The following DLX2 variants were observed in gnomAD, a reference collection of about 807,000 sequenced individuals.
The protein encoded by DLX2 is homeobox protein DLX-2.
A neutral mutation model predicts 27.4 loss-of-function variants in DLX2; 8 were observed. The observed-to-expected ratio is 0.29, with a 90% CI of 0.17 to 0.53. The LOEUF is 0.53. Among genes scored for constraint, DLX2 ranks in the 20% least tolerant of loss-of-function variants. The pLI is 0.96. For missense variants in DLX2, 421 were observed against 450.9 expected (o/e 0.93, Z 0.60); for synonymous variants, 210 against 200.8 (o/e 1.05, Z -0.39).
chr2:172,102,555 A>T lies in DLX2; in HGVS notation c.-17T>A. The T allele has an allele frequency of 6.6e-7, 1 of 1,516,036 alleles. No individual in the cohort carries two copies. The highest frequency in any genetic ancestry group is 8.8e-7 in the Non-Finnish European group (1 of 1,133,266). The allele number at this position is 1,516,036 out of a possible 1,614,324, so 93.9% of individuals were successfully genotyped here. On this transcript the variant is annotated 5_prime_UTR_variant, in exon 1 of 3. Transcript: ENST00000234198. ...TCCAGTCATCCTGGCCCGAGACGGG[A>T]AAGAGCAGAGGTGGCGGGCGTGCGG...
intron 2 of DLX2, 132 bp downstream of exon 2, chr2:172,101,330 C>A: frequency 4.6e-6 from 5 of 1,093,322 alleles, no homozygotes; most frequent in Non-Finnish European, 6.4e-6. Context: ...TACTTAGGGC[C>A]GCTCGAGGCG....
chr2:172,101,708 T>C, intron 1 of DLX2, 62 bp from the exon 2 acceptor site: 1 of 1,512,714 alleles, frequency 6.6e-7, no homozygotes, highest in Non-Finnish European at 9.0e-7. Flanking sequence ...CCCGCCCTCC[T>C]AGAGGGCCCG....
In DLX2 at chr2:172,102,199, C is replaced by T. The variant is rs1333337557; in HGVS notation, c.340G>A (p.Ala114Thr). The T allele has an allele frequency of 6.2e-7, 1 of 1,614,124 alleles. No homozygotes were observed. Among genetic ancestry groups the T allele is most frequent in the Non-Finnish European group, 8.5e-7 (1 of 1,179,992 alleles). Residue 114 changes from alanine to threonine, a missense_variant, in exon 1 of 3, where the codon GCC becomes ACC. Physicochemically the swap from Ala to Thr is moderately conservative, Grantham distance 58 (BLOSUM62 0). Coordinates refer to ENST00000234198, the MANE Select transcript of DLX2 (RefSeq NM_004405.4). Reference protein sequence around the residue: ...AKSSYDLGYTAAYTSYAPYGT... With the variant: ...AKSSYDLGYTTAYTSYAPYGT... Reference sequence around the variant, plus strand: ...TAGGGAGCGTAGGAGGTGTAGGCGGCGGTGTAGCCCAGGTCATAGCTGCTC... The same window carrying T: ...TAGGGAGCGTAGGAGGTGTAGGCGGTGGTGTAGCCCAGGTCATAGCTGCTC...
chr2:172,100,609 C>A lies in DLX2; in HGVS notation c.921G>T (p.Gln307His). 2 of 1,572,218 alleles carry A rather than the reference C, an allele frequency of 1.3e-6. No individual in the cohort carries two copies. The highest frequency in any genetic ancestry group is 1.7e-6 in the Non-Finnish European group (2 of 1,163,702). Residue 307 changes from glutamine to histidine, a missense_variant, in exon 3 of 3, where the codon CAG becomes CAT. Physicochemically the swap from Gln to His is conservative, Grantham distance 24. This residue lies in a region of DLX2 where 185 missense variants were observed against 171.1 expected (regional missense o/e 1.08). Coordinates refer to ENST00000234198, the MANE Select transcript of DLX2 (RefSeq NM_004405.4). The surrounding 1 kb of genome is among the most constrained non-coding windows in gnomAD (Gnocchi z 4.5). The part of the protein sequence containing the change: ...APLLHPTQTP[Q>H]PHHHHHHHGG... ...CGTGATGGTGGTGGTGGTGATGCGG[C>A]TGCGGGGTCTGAGTGGGGTGCAGCA...
rs747551701 is a variant in DLX2 at position 172,102,141 on chromosome 2, G to A, written c.398C>T (p.Pro133Leu). 6.2e-7 allele frequency: 1 copy of A among 1,613,296 alleles called. No homozygotes were observed. The highest frequency in any genetic ancestry group is 1.1e-5 in the South Asian group (1 of 91,018). ...GTSSSPANNEPEKEDLEPEIR... is the reference protein window; with the variant it reads ...GTSSSPANNELEKEDLEPEIR... ...CTTGACTTCAGCGTTATGCATACCA[G>A]GCTCGTTGTTGGCTGGGGACGAACT... Residue 133 changes from proline (P) to leucine (L), a missense_variant and splice_region_variant, in exon 1 of 3, where the codon CCT (proline) becomes CTT (leucine). Transcript: ENST00000234198.
At position 172,102,688 on chromosome 2, in the gene DLX2, C is replaced by T; in HGVS notation, c.-150G>A. ...AAGGAGGCAACCGTCTAGGCGCCTC[C>T]TCCTCCGGGGGAGGCGATCACCGTG... On this transcript the variant is annotated 5_prime_UTR_variant, in exon 1 of 3. Coordinates refer to ENST00000234198, the MANE Select transcript of DLX2 (RefSeq NM_004405.4). The T allele has an allele frequency of 2.7e-6, 2 of 749,342 alleles. No homozygotes were observed. The highest frequency in any genetic ancestry group is 3.9e-5 in the South Asian group (2 of 50,706). 46.4% of individuals were successfully genotyped at this position (749,342 alleles called of 1,614,324 possible). A position where few individuals can be genotyped will look rare whatever the true frequency, so the allele number is the denominator to read the frequency against.
intron 1 of DLX2, 59 bp from the exon 2 acceptor site, chr2:172,101,705 T>A: frequency 1.3e-6 from 2 of 1,525,628 alleles, no homozygotes; most frequent in Non-Finnish European, 1.8e-6. Context: ...GTTCCCGCCC[T>A]CCTAGAGGGC....
chr2:172,102,527 G>A lies in DLX2; in HGVS notation c.12C>T (p.Val4=). 1 of 1,539,776 alleles carries A rather than the reference G, an allele frequency of 6.5e-7. No homozygotes were observed. The highest frequency in any genetic ancestry group is 8.7e-7 in the Non-Finnish European group (1 of 1,143,066). The change falls in exon 1 of 3, where the codon GTC becomes GTT. Residue 4 remains valine, a synonymous_variant. Coordinates refer to ENST00000234198, the MANE Select transcript of DLX2 (RefSeq NM_004405.4). ...GCATATCAGCCACTAGACTGTCAAA[G>A]ACTCCAGTCATCCTGGCCCGAGACG... MTG[V]FDSLVADMHS...
chr2:172,101,349 G>T, intron 2 of DLX2, 113 bp downstream of exon 2: 1 of 1,249,842 alleles, frequency 8.0e-7, no homozygotes, highest in Non-Finnish European at 1.1e-6. Flanking sequence ...CGCAGGCCTG[G>T]AAATCCTTAA....
Position 172,100,738 on chromosome 2 carries a change from G to T in DLX2, c.792C>A (p.Ser264Arg). 8 of 1,549,322 alleles carry T rather than the reference G, an allele frequency of 5.2e-6. No individual in the cohort carries two copies. The highest frequency in any genetic ancestry group is 6.9e-6 in the Non-Finnish European group (8 of 1,152,352). Residue 264 changes from serine (S) to arginine (R), a missense_variant, in exon 3 of 3, where the codon AGC becomes AGA. By Grantham distance (110) the Ser-to-Arg change is moderately radical. This residue lies in a region of DLX2 where 185 missense variants were observed against 171.1 expected (regional missense o/e 1.08). Transcript: ENST00000234198. This position sits in a 1 kb window ranked among gnomAD's most constrained non-coding sequence, Gnocchi z 4.5. ...GPGSGGSGAG[S>R]SGSSPSSAAS... The stretch of plus-strand genomic sequence containing the variant: ...CCGCGCTGCTCGGGCTGGAGCCCGA[G>T]CTGCCGGCGCCGCTGCCGCCACTGC...
rs1472174900 is a variant in DLX2, at chr2:172,102,512, C to T, written c.27G>A (p.Val9=). The part of the protein sequence containing the change: MTGVFDSL[V]ADMHSTQIAA... ...CGATCTGGGTCGAGTGCATATCAGCCACTAGACTGTCAAAGACTCCAGTCA... is the reference window on the plus strand; with the variant it reads ...CGATCTGGGTCGAGTGCATATCAGCTACTAGACTGTCAAAGACTCCAGTCA... Residue 9 remains valine, a synonymous_variant, in exon 1 of 3, where the codon GTG becomes GTA. Transcript: ENST00000234198. 2.5e-5 allele frequency: 39 copies of T among 1,546,186 alleles called. No homozygotes were observed. Among genetic ancestry groups the T allele is most frequent in the Non-Finnish European group, 2.7e-5 (31 of 1,145,664 alleles).
At position 172,100,539 on chromosome 2, in the gene DLX2, G is replaced by A. The variant is rs1228769024; in HGVS notation, c.*4C>T. ...TCTCAGTCTCTGGCGAGTTCTCCCT[G>A]GGGTTAGAAAATCGTCCCCGCGCTC... On this transcript the variant is annotated 3_prime_UTR_variant, in exon 3 of 3. Transcript: ENST00000234198. This position sits in a 1 kb window ranked among gnomAD's most constrained non-coding sequence, Gnocchi z 4.5. 7.6e-6 allele frequency: 12 copies of A among 1,568,802 alleles called. No homozygotes were observed. The highest frequency in any genetic ancestry group is 1.4e-5 in the African/African-American group (1 of 70,726).
rs1186270378 is a variant in DLX2 at position 172,102,586 on chromosome 2, G to A, written c.-48C>T. 3 of 1,460,856 alleles carry A rather than the reference G, an allele frequency of 2.1e-6. No individual in the cohort carries two copies. The highest frequency in any genetic ancestry group is 1.4e-5 in the African/African-American group (1 of 69,580). The allele number at this position is 1,460,856 out of a possible 1,614,324, so 90.5% of individuals were successfully genotyped here. A position where few individuals can be genotyped will look rare whatever the true frequency, so the allele number is the denominator to read the frequency against. On this transcript the variant is annotated 5_prime_UTR_variant, in exon 1 of 3. Coordinates refer to ENST00000234198, the MANE Select transcript of DLX2 (RefSeq NM_004405.4). ...CAGAGGTGGCGGGCGTGCGGGGGAA[G>A]CCAGGCGCCTCCTCTGTCTCTCCCG...
chr2:172,101,689 C>T (rs761839500), intron 1 of DLX2, 43 bp from the exon 2 acceptor site: 2 of 1,591,868 alleles, frequency 1.3e-6, no homozygotes, highest in Non-Finnish European at 1.7e-6. Context: ...ACCCAGGGGT[C>T]CTGGAGTTCC....
chr2:172,101,780 C>T (rs1357037984), intron 1 of DLX2, 134 bp from the exon 2 acceptor site: 2 of 1,026,674 alleles, frequency 1.9e-6, no homozygotes, highest in East Asian at 5.0e-5. Context: ...CACGGGCAGG[C>T]GCAACTTCGC....
rs903302700 is a variant in DLX2 at position 172,100,389 on chromosome 2, G to A, written c.*154C>T. Reference sequence around the variant, plus strand: ...AGAGAGGGGCCCGTTTGGTGGCCCCGGGAGTGAGCAGGGCCTGAGACGGGC... The same window carrying A: ...AGAGAGGGGCCCGTTTGGTGGCCCCAGGAGTGAGCAGGGCCTGAGACGGGC... On this transcript the variant is annotated 3_prime_UTR_variant, in exon 3 of 3. Transcript: ENST00000234198. The surrounding 1 kb of genome is among the most constrained non-coding windows in gnomAD (Gnocchi z 4.5). 5 of 795,400 alleles carry A rather than the reference G, an allele frequency of 6.3e-6. No individual in the cohort carries two copies. Among genetic ancestry groups the A allele is most frequent in the East Asian group, 6.5e-5 (2 of 30,760 alleles). 49.3% of individuals were successfully genotyped at this position (795,400 alleles called of 1,614,324 possible).
In DLX2 at chr2:172,100,582, G is replaced by A. The variant is rs1379490505; in HGVS notation, c.948C>T (p.Gly316=). 1.9e-6 allele frequency: 3 copies of A among 1,578,168 alleles called. No individual in the cohort carries two copies. Among genetic ancestry groups the A allele is most frequent in the African/African-American group, 1.4e-5 (1 of 71,260 alleles). The part of the protein sequence containing the change: ...PQPHHHHHHH[G]GGGAPVSAGT... ...CCGCGCTCACCGGGGCGCCCCCGCCGCCGTGATGGTGGTGGTGGTGATGCG... is the reference window on the plus strand; with the variant it reads ...CCGCGCTCACCGGGGCGCCCCCGCCACCGTGATGGTGGTGGTGGTGATGCG... Residue 316 remains glycine, a synonymous_variant, in exon 3 of 3, where the codon GGC becomes GGT. Transcript: ENST00000234198. This position sits in a 1 kb window ranked among gnomAD's most constrained non-coding sequence, Gnocchi z 4.5.
rs1017706786 is a variant in DLX2 at position 172,100,456 on chromosome 2, C to A, written c.*87G>T. 4 of 1,405,162 alleles carry A rather than the reference C, an allele frequency of 2.8e-6. No homozygotes were observed. The highest frequency in any genetic ancestry group is 5.4e-5 in the East Asian group (2 of 37,350). 87.0% of individuals were successfully genotyped at this position (1,405,162 alleles called of 1,614,324 possible). A position where few individuals can be genotyped will look rare whatever the true frequency, so the allele number is the denominator to read the frequency against. On this transcript the variant is annotated 3_prime_UTR_variant, in exon 3 of 3. Coordinates refer to ENST00000234198, the MANE Select transcript of DLX2 (RefSeq NM_004405.4). This position sits in a 1 kb window ranked among gnomAD's most constrained non-coding sequence, Gnocchi z 4.5. The stretch of plus-strand genomic sequence containing the variant: ...CTGCAGGAGAGGTGGGTGGCGGCAG[C>A]GGGCCGGGAGGAGGGAACCCCGGCT...
In DLX2 at chr2:172,102,546, C is replaced by T. The variant is rs1341156511; in HGVS notation, c.-8G>A. 2 of 1,522,002 alleles carry T rather than the reference C, an allele frequency of 1.3e-6. No homozygotes were observed. The highest frequency in any genetic ancestry group is 1.8e-6 in the Non-Finnish European group (2 of 1,136,044). The allele number at this position is 1,522,002 out of a possible 1,614,324, so 94.3% of individuals were successfully genotyped here. On this transcript the variant is annotated 5_prime_UTR_variant, in exon 1 of 3. Coordinates refer to ENST00000234198, the MANE Select transcript of DLX2 (RefSeq NM_004405.4). ...GTCAAAGACTCCAGTCATCCTGGCCCGAGACGGGAAAGAGCAGAGGTGGCG... is the reference window on the plus strand; with the variant it reads ...GTCAAAGACTCCAGTCATCCTGGCCTGAGACGGGAAAGAGCAGAGGTGGCG...
Sources: gnomAD v4.1 joint callset for allele counts on GRCh38, gnomAD v4.1.1 for gene constraint, gnomAD v4.1.1 regional missense constraint, Gnocchi (gnomAD v3.1) non-coding constraint, MANE v1.5 for transcripts, NCBI Gene and HGNC (gene_info 2026-07-23, HGNC 2026-07-21) for gene names.